The following RASAL2 variants were observed in gnomAD, a reference collection of about 807,000 sequenced individuals.
RASAL2 encodes RAS protein activator like 2, also known as ras GTPase-activating protein nGAP.
A neutral mutation model predicts 128.9 loss-of-function variants in RASAL2; 58 were observed. The observed-to-expected ratio is 0.45, with a 90% CI of 0.36 to 0.56. RASAL2 has a LOEUF of 0.56. Among genes scored for constraint, RASAL2 ranks in the 20% least tolerant of loss-of-function variants. RASAL2 has a pLI of 0.00. For synonymous variants in RASAL2, 561 were observed against 580.8 expected (o/e 0.97, Z 0.49); for missense variants, 1,360 against 1,601.6 (o/e 0.85, Z 2.57).
At chr1:178,144,938 A>G (rs755893990) in intron 1 of RASAL2, among the ~76,000 whole-genome samples, 14 of 152,314 alleles carry the variant, frequency 9.2e-5, no homozygotes, top group South Asian at 2.1e-4. Flanking sequence ...TAGAACTGCT[A>G]TTATTTAGTA....
At chr1:178,103,777 A>C (rs573384931) in intron 1 of RASAL2, among the ~76,000 whole-genome samples, 1 of 152,060 alleles carries the variant, frequency 6.6e-6, no homozygotes, top group African/African-American at 2.4e-5. Flanking sequence ...TAAGTAAAGA[A>C]CCCTTTATCT....
chr1:178,395,268 C>T (rs964233989), intron 4 of RASAL2, among the ~76,000 whole-genome samples: 5 of 152,166 alleles, frequency 3.3e-5, no homozygotes, highest in African/African-American at 9.7e-5. Flanking sequence ...TTCTAATATG[C>T]AGCTAGGGTT....
intron 1 of RASAL2, among the ~76,000 whole-genome samples, chr1:178,266,947 C>T (rs966518821): frequency 6.6e-6 from 1 of 152,110 alleles, no homozygotes; most frequent in Non-Finnish European, 1.5e-5. Context: ...CCATGCTGGG[C>T]GGACCCAGTT....
Position 178,196,680 on chromosome 1 carries a change from A to G in RASAL2, c.203-86884A>G, listed in dbSNP as rs111243481. 5.4e-3 allele frequency among the ~76,000 whole-genome samples: 816 copies of G among 152,324 alleles called. 6 individuals carry two copies. Among genetic ancestry groups the G allele is most frequent in the African/African-American group, 0.018 (750 of 41,564 alleles). On this transcript the variant is annotated intron_variant, in intron 1 of 17. Coordinates refer to ENST00000367649, the MANE Select transcript of RASAL2 (RefSeq NM_170692.4). The stretch of plus-strand genomic sequence containing the variant: ...CAAATACTACACCATCTTATATAAG[A>G]GACTTAAGCATCCTTGGATTCTGGT...
chr1:178,165,382 A>G (rs149928106), intron 1 of RASAL2, among the ~76,000 whole-genome samples: 168 of 152,308 alleles, frequency 1.1e-3, no homozygotes, highest in African/African-American at 3.8e-3. Flanking sequence ...TCCCTAAACA[A>G]TGTAACTATT....
chr1:178,105,438 A>AACAG (rs1558055563), intron 1 of RASAL2, among the ~76,000 whole-genome samples: 1 of 152,232 alleles, frequency 6.6e-6, no homozygotes, highest in Non-Finnish European at 1.5e-5. Context: ...ACTTTTAACA[A>AACAG]TGACTTAAAG....
intron 1 of RASAL2, among the ~76,000 whole-genome samples, chr1:178,147,264 G>T (rs1660762399): frequency 6.6e-6 from 1 of 152,070 alleles, no homozygotes; most frequent in South Asian, 2.1e-4. Flanking sequence ...CGAGGTGGGT[G>T]GATCGCCTGA....
intron 5 of RASAL2, among the ~76,000 whole-genome samples, chr1:178,436,486 G>A (rs961536100): frequency 1.3e-5 from 2 of 151,892 alleles, no homozygotes; most frequent in Non-Finnish European, 2.9e-5. Flanking sequence ...GAAATACAGT[G>A]AAAAAATAGT....
At chr1:178,111,960 C>T (rs1659340192) in intron 1 of RASAL2, among the ~76,000 whole-genome samples, 1 of 152,152 alleles carries the variant, frequency 6.6e-6, no homozygotes, top group African/African-American at 2.4e-5. Flanking sequence ...AACTCCTGAC[C>T]TCAGGTGATC....
chr1:178,103,665 A>T (rs564002152), intron 1 of RASAL2, among the ~76,000 whole-genome samples: 92 of 151,944 alleles, frequency 6.1e-4, no homozygotes, highest in Non-Finnish European at 1.1e-3. Context: ...TGAACTGTAC[A>T]TACCTTTTGC....
rs1648693121 is a variant in RASAL2 at position 178,476,618 on chromosome 1, GT to G, written c.*3382del. 6.6e-6 allele frequency: 1 copy of G among 152,160 alleles called. No individual in the cohort carries two copies. The allele number at this position is 152,160 out of a possible 1,614,324, so 9.4% of individuals were successfully genotyped here. ...CTTTCTCTGACTGGTCTGCTTCCGT[GT>G]TTCTCTGTGATGGTGTTAAGATTAT... On this transcript the variant is annotated 3_prime_UTR_variant, in exon 18 of 18. Transcript: ENST00000367649.
intron 3 of RASAL2, among the ~76,000 whole-genome samples, chr1:178,350,132 G>C (rs1670381733): frequency 6.6e-6 from 1 of 152,286 alleles, no homozygotes; most frequent in South Asian, 2.1e-4. Flanking sequence ...TTTAATGTTA[G>C]CATATTATTT....
chr1:178,331,133 G>C (rs1669284662), intron 3 of RASAL2, among the ~76,000 whole-genome samples: 1 of 152,232 alleles, frequency 6.6e-6, no homozygotes, highest in Non-Finnish European at 1.5e-5. Context: ...GTCTGCTAAT[G>C]TAGTACCTTA....
At chr1:178,185,737 AC>A (rs1261502211) in intron 1 of RASAL2, among the ~76,000 whole-genome samples, 1 of 151,854 alleles carries the variant, frequency 6.6e-6, no homozygotes, top group Non-Finnish European at 1.5e-5. Flanking sequence ...CTAGAATCTC[AC>A]TTGGTTATGT....
At position 178,351,210 on chromosome 1, in the gene RASAL2, A is replaced by T. The variant is rs368112263; in HGVS notation, c.458-38890A>T. 7.2e-4 allele frequency among the ~76,000 whole-genome samples: 110 copies of T among 152,236 alleles called. 1 individual carries two copies. The South Asian group carries it at 0.022, about 31-fold the overall frequency. On this transcript the variant is annotated intron_variant, in intron 3 of 17. Coordinates refer to ENST00000367649, the MANE Select transcript of RASAL2 (RefSeq NM_170692.4). Reference sequence around the variant, plus strand: ...TTCCCGCATTAGGGATTATAATTTGACATGAGATTTGGGCAGGGATACAGA... The same window carrying T: ...TTCCCGCATTAGGGATTATAATTTGTCATGAGATTTGGGCAGGGATACAGA...
At chr1:178,097,056 T>C (rs1192679281) in intron 1 of RASAL2, among the ~76,000 whole-genome samples, 1 of 152,226 alleles carries the variant, frequency 6.6e-6, no homozygotes, top group Non-Finnish European at 1.5e-5. Flanking sequence ...AAACCTTCGT[T>C]GTCTTGGATC....
At chr1:178,288,789 T>TA (rs1485029384) in intron 2 of RASAL2, among the ~76,000 whole-genome samples, 1 of 151,728 alleles carries the variant, frequency 6.6e-6, no homozygotes, top group Non-Finnish European at 1.5e-5. Context: ...TAGCTGGAAT[T>TA]ACAGGCATGC....
chr1:178,267,709 A>G (rs1015363204), intron 1 of RASAL2, among the ~76,000 whole-genome samples: 13 of 150,330 alleles, frequency 8.6e-5, no homozygotes, highest in South Asian at 4.2e-4. Context: ...CCTGAATTCA[A>G]GCTATTCCCC....
intron 1 of RASAL2, among the ~76,000 whole-genome samples, chr1:178,219,851 T>C (rs1225141787): frequency 2.0e-5 from 3 of 151,996 alleles, no homozygotes; most frequent in Admixed American, 1.3e-4. Context: ...GGATGTTTCA[T>C]CCCCTCCAAA....
Sources: gnomAD v4.1 joint callset for allele counts (sites outside exome capture counted in the v4.1 genomes callset) on GRCh38, gnomAD v4.1.1 for gene constraint, MANE v1.5 for transcripts, NCBI Gene and HGNC (gene_info 2026-07-23, HGNC 2026-07-21) for gene names.